Variants in KIAA1217 observed in about 807,000 individuals in gnomAD.
KIAA1217 encodes KIAA1217.
In KIAA1217, 88 loss-of-function variants were observed where a neutral mutation model predicts 163.9. The observed-to-expected ratio is 0.54, with a 90% CI of 0.45 to 0.64. The LOEUF (loss-of-function observed/expected upper bound fraction) is 0.64, where lower values mean the gene tolerates loss of function less well. KIAA1217 is among the 30% of genes least tolerant of loss of function. KIAA1217 has a pLI of 0.00. For missense variants in KIAA1217, 2,372 were observed against 2,475.0 expected (o/e 0.96, Z 0.88); for synonymous variants, 903 against 923.1 (o/e 0.98, Z 0.39).
chr10:23,717,493 C>A (rs1279777033), intron 1 of KIAA1217, among the ~76,000 whole-genome samples: 1 of 152,056 alleles, frequency 6.6e-6, no homozygotes, highest in Admixed American at 6.6e-5. Context: ...TAATATAGGT[C>A]ACCCTAAAGT....
intron 2 of KIAA1217, among the ~76,000 whole-genome samples, chr10:24,293,886 C>T (rs1590686874): frequency 6.6e-6 from 1 of 152,142 alleles, no homozygotes; most frequent in Admixed American, 6.5e-5. Flanking sequence ...TGAAGGTCTC[C>T]GACCGACGTC....
intron 1 of KIAA1217, among the ~76,000 whole-genome samples, chr10:23,742,210 G>T (rs561116460): frequency 1.5e-4 from 23 of 151,806 alleles, no homozygotes; most frequent in Non-Finnish European, 2.4e-4. Context: ...CAAGATTTTT[G>T]CCTGAGTCAA....
intron 2 of KIAA1217, among the ~76,000 whole-genome samples, chr10:24,062,160 T>G (rs1202213623): frequency 6.6e-6 from 1 of 152,006 alleles, no homozygotes; most frequent in African/African-American, 2.4e-5. Context: ...TATTATACTT[T>G]AAGCTTTAGG....
At chr10:23,694,894 T>C (rs1207874577) in exon 1 of KIAA1217, 1 of 152,544 alleles carries the variant, frequency 6.6e-6, no homozygotes, top group Non-Finnish European at 1.5e-5. Context: ...GAAAGTCGTT[T>C]CCGGGGGAGG....
intron 14 of KIAA1217, among the ~76,000 whole-genome samples, chr10:24,530,502 A>G (rs1235516620): frequency 6.6e-6 from 1 of 152,186 alleles, no homozygotes; most frequent in African/African-American, 2.4e-5. Flanking sequence ...TTGTTTATTA[A>G]GGAGGCAAAT....
intron 1 of KIAA1217, among the ~76,000 whole-genome samples, chr10:23,930,693 T>C (rs1027703820): frequency 6.6e-6 from 1 of 152,250 alleles, no homozygotes; most frequent in East Asian, 1.9e-4. Flanking sequence ...TTTTCCAGTG[T>C]ATCTGTGATT....
chr10:23,819,215 A>G (rs1372864987), intron 1 of KIAA1217, among the ~76,000 whole-genome samples: 1 of 152,170 alleles, frequency 6.6e-6, no homozygotes, highest in Non-Finnish European at 1.5e-5. Context: ...CACCATGATA[A>G]AAGACTGCAT....
chr10:24,539,566 A>G (rs1200095705), intron 17 of KIAA1217, among the ~76,000 whole-genome samples: 1 of 152,194 alleles, frequency 6.6e-6, no homozygotes, highest in African/African-American at 2.4e-5. Flanking sequence ...TTCTTGCCCC[A>G]TAATTAGAAA....
intron 1 of KIAA1217, among the ~76,000 whole-genome samples, chr10:23,849,596 C>A (rs1423712844): frequency 1.1e-4 from 17 of 152,080 alleles, no homozygotes; most frequent in Non-Finnish European, 1.5e-5. Flanking sequence ...ATGGGTGCAT[C>A]AAACCAATAT....
At chr10:24,418,584 C>T (rs193003908) in intron 3 of KIAA1217, among the ~76,000 whole-genome samples, 1 of 152,264 alleles carries the variant, frequency 6.6e-6, no homozygotes, top group Admixed American at 6.5e-5. Context: ...GTTATCACTA[C>T]GTAAAATACC....
intron 1 of KIAA1217, among the ~76,000 whole-genome samples, chr10:23,703,166 T>C (rs1204626808): frequency 2.6e-5 from 4 of 152,160 alleles, no homozygotes; most frequent in Admixed American, 6.5e-5. Flanking sequence ...GCGCTTCTCC[T>C]TCTCAGCAGT....
At chr10:23,808,232 T>A (rs1162516746) in intron 1 of KIAA1217, among the ~76,000 whole-genome samples, 1 of 152,188 alleles carries the variant, frequency 6.6e-6, no homozygotes, top group Non-Finnish European at 1.5e-5. Flanking sequence ...CTAAGAGAAC[T>A]TGAATAGAAA....
chr10:24,175,887 A>G (rs1344950970), intron 2 of KIAA1217, among the ~76,000 whole-genome samples: 3 of 151,904 alleles, frequency 2.0e-5, no homozygotes, highest in Non-Finnish European at 2.9e-5. Flanking sequence ...GAAACTGCAG[A>G]CCTCCACCAT....
chr10:24,527,806 G>A, intron 13 of KIAA1217, 130 bp from the exon 14 acceptor site: 1 of 657,182 alleles, frequency 1.5e-6, no homozygotes, highest in Non-Finnish European at 2.6e-6. Context: ...CAGGTCTTAA[G>A]CCCAGTACCC....
chr10:24,085,711 G>A (rs1241773849), intron 2 of KIAA1217, among the ~76,000 whole-genome samples: 1 of 152,024 alleles, frequency 6.6e-6, no homozygotes, highest in East Asian at 1.9e-4. Flanking sequence ...GGTAGCTCAC[G>A]CCTATGGTCC....
chr10:24,461,755 A>C (rs1444715004), intron 5 of KIAA1217, among the ~76,000 whole-genome samples: 2 of 152,218 alleles, frequency 1.3e-5, no homozygotes, highest in East Asian at 3.9e-4. Context: ...TTTAATTCTC[A>C]CGTTGTTGTA....
At chr10:24,486,142 C>T (rs2065365483) in intron 6 of KIAA1217, among the ~76,000 whole-genome samples, 1 of 152,230 alleles carries the variant, frequency 6.6e-6, no homozygotes, top group African/African-American at 2.4e-5. Flanking sequence ...TCTCACCTGA[C>T]TTGCTGCAGT....
At chr10:24,174,870 T>C (rs1005275337) in intron 2 of KIAA1217, among the ~76,000 whole-genome samples, 1 of 152,064 alleles carries the variant, frequency 6.6e-6, no homozygotes, top group Non-Finnish European at 1.5e-5. Flanking sequence ...GTTGTTGTTG[T>C]TTTTGGAGAT....
intron 2 of KIAA1217, among the ~76,000 whole-genome samples, chr10:24,295,703 G>A (rs906881000): frequency 2.0e-5 from 3 of 152,104 alleles, no homozygotes; most frequent in East Asian, 3.9e-4. Context: ...TGAGGGTGAA[G>A]GGTCTCTTTG....
Sources: gnomAD v4.1 joint callset for allele counts (sites outside exome capture counted in the v4.1 genomes callset) on GRCh38, gnomAD v4.1.1 for gene constraint, MANE v1.5 for transcripts, NCBI Gene and HGNC (gene_info 2026-07-23, HGNC 2026-07-21) for gene names.